Variants in SPTA1 observed in about 807,000 individuals in gnomAD.
SPTA1 encodes spectrin alpha, erythrocytic 1, also known as spectrin alpha chain, erythrocytic 1.
A neutral mutation model predicts 324.7 loss-of-function variants in SPTA1; 177 were observed. The ratio of observed to expected loss-of-function variants is 0.55; its 90% CI spans 0.48 to 0.62. The LOEUF is 0.62. Ranked by LOEUF, SPTA1 falls within the 20% of genes least tolerant of loss-of-function variation. SPTA1 has a pLI of 0.00. For synonymous variants in SPTA1, 1,195 were observed against 1,041.3 expected (o/e 1.15, Z -2.84); for missense variants, 3,162 against 2,883.6 (o/e 1.10, Z -2.21).
At position 158,611,370 on chromosome 1, in the gene SPTA1, A is replaced by G. The variant is rs1276901548; in HGVS notation, c.7154T>C (p.Val2385Ala). The G allele has an allele frequency of 1.9e-6, 3 of 1,613,570 alleles. No individual in the cohort carries two copies. Among genetic ancestry groups the G allele is most frequent in the Non-Finnish European group, 2.5e-6 (3 of 1,179,706 alleles). ...CTGCATATGTGTGGCACAGAATGAC[A>G]CTTGCTCTGGGGTAAGGGCCTGAAA... ...DMKQALTPEQ[V>A]SFCATHMQQY... The change falls in exon 52 of 52, where the codon GTG (valine) becomes GCG (alanine). Residue 2385 changes from valine (V) to alanine (A), a missense_variant. By Grantham distance (64) the Val-to-Ala change is moderately conservative (BLOSUM62 0). Coordinates refer to ENST00000643759, the MANE Select transcript of SPTA1 (RefSeq NM_003126.4).
chr1:158,620,106 C>G (rs1382413780), intron 44 of SPTA1, 64 bp downstream of exon 44: 1 of 1,585,652 alleles, frequency 6.3e-7, no homozygotes, highest in African/African-American at 1.3e-5. Flanking sequence ...AGTCTATTTA[C>G]TTGGATAATA....
intron 44 of SPTA1, among the ~76,000 whole-genome samples, chr1:158,619,714 G>A (rs1490948284): frequency 1.3e-5 from 2 of 152,044 alleles, no homozygotes; most frequent in Admixed American, 1.3e-4. Flanking sequence ...GTGATATTGT[G>A]GTTAGTTTTC....
At position 158,685,142 on chromosome 1, in the gene SPTA1, G is replaced by A. The variant is rs372828197; in HGVS notation, c.230C>T (p.Thr77Ile). ...AGTTGGGTCTTCATAGCTCTTATCG[G>A]TTAAGATATTGACTTTCTCCATGAT... ...KWIMEKVNIL[T>I]DKSYEDPTNI... The change falls in exon 2 of 52, where the codon ACC becomes ATC. Residue 77 changes from threonine to isoleucine, a missense_variant. Transcript: ENST00000643759. 4 of 1,613,538 alleles carry A rather than the reference G, an allele frequency of 2.5e-6. No individual in the cohort carries two copies. The African/African-American group carries it at 4.0e-5, about 16-fold the overall frequency.
chr1:158,613,916 C>CT, intron 49 of SPTA1, 49 bp from the exon 50 acceptor site: 1 of 1,587,058 alleles, frequency 6.3e-7, no homozygotes. Flanking sequence ...AATAGAAAAA[C>CT]CAAGTGAGAA....
At chr1:158,636,844 T>C (rs1651120613) in intron 36 of SPTA1, 83 bp from the exon 37 acceptor site, 2 of 1,604,666 alleles carry the variant, frequency 1.2e-6, no homozygotes, top group South Asian at 1.1e-5. Context: ...TGACTATGTG[T>C]GTGGCTGGTG....
In SPTA1 at chr1:158,638,227, G is replaced by T. The variant is rs761286351; in HGVS notation, c.4995C>A (p.Asp1665Glu). The stretch of plus-strand genomic sequence containing the variant: ...GCAAATCTTCAGCCAATGTATTCAG[G>T]TCCTTGAGTGCATCCTAGAAAGTCT... Reference protein sequence around the residue: ...EMLAREDALKDLNTLAEDLLS... With the variant: ...EMLAREDALKELNTLAEDLLS... The change falls in exon 36 of 52, where the codon GAC (aspartate) becomes GAA (glutamate). Residue 1665 changes from aspartate to glutamate, a missense_variant. Asp to Glu is a conservative substitution (Grantham distance 45). Coordinates refer to ENST00000643759, the MANE Select transcript of SPTA1 (RefSeq NM_003126.4). 20 of 1,612,378 alleles carry T rather than the reference G, an allele frequency of 1.2e-5. No individual in the cohort carries two copies. The highest frequency in any genetic ancestry group is 3.3e-5 in the Admixed American group (2 of 59,906).
In SPTA1 at chr1:158,683,514, G is replaced by T. The variant is rs746559526; in HGVS notation, c.265-18C>A. ...TATTTCCCCTAAAGTTTAGAAATCA[G>T]AGTTTTTGTCTAATGAAGCACAGTC... On this transcript the variant is annotated intron_variant, in intron 2 of 51. Coordinates refer to ENST00000643759, the MANE Select transcript of SPTA1 (RefSeq NM_003126.4). 3 of 1,612,474 alleles carry T rather than the reference G, an allele frequency of 1.9e-6. No individual in the cohort carries two copies. The highest frequency in any genetic ancestry group is 2.5e-6 in the Non-Finnish European group (3 of 1,179,104).
Position 158,669,567 on chromosome 1 carries a change from CA to C in SPTA1, c.1678-5del. Reference sequence around the variant, plus strand: ...GGGCATCCCGCCGGGCTAACAGCTGCAAAAACCATGAGTAAACTTACTGTCA... The same window carrying C: ...GGGCATCCCGCCGGGCTAACAGCTGCAAAACCATGAGTAAACTTACTGTCA... On this transcript the variant is annotated splice_region_variant and splice_polypyrimidine_tract_variant and intron_variant, in intron 13 of 51. Transcript: ENST00000643759. The C allele has an allele frequency of 6.2e-7, 1 of 1,614,104 alleles. No homozygotes were observed. The highest frequency in any genetic ancestry group is 8.5e-7 in the Non-Finnish European group (1 of 1,179,998).
intron 26 of SPTA1, 146 bp from the exon 27 acceptor site, chr1:158,647,866 A>G: frequency 1.2e-6 from 1 of 855,038 alleles, no homozygotes; most frequent in Admixed American, 2.6e-5. Context: ...AATAATATCA[A>G]CCTTTTAGTC....
At chr1:158,622,915 T>G (rs1342538960) in intron 43 of SPTA1, 68 bp downstream of exon 43, 2 of 1,367,856 alleles carry the variant, frequency 1.5e-6, no homozygotes, top group Non-Finnish European at 2.1e-6. Context: ...TTCCAATATC[T>G]GTTTCCGAAT....
At chr1:158,671,591 T>A in intron 11 of SPTA1, 138 bp from the exon 12 acceptor site, 1 of 722,808 alleles carries the variant, frequency 1.4e-6, no homozygotes, top group Non-Finnish European at 2.4e-6. Context: ...GGGTAGAAAT[T>A]AACTTTAAAC....
chr1:158,635,126 A>G (rs974058489), intron 38 of SPTA1, among the ~76,000 whole-genome samples: 5 of 152,076 alleles, frequency 3.3e-5, no homozygotes, highest in African/African-American at 1.2e-4. Flanking sequence ...ATATTTGGCT[A>G]TATGTGTGAT....
At position 158,618,047 on chromosome 1, in the gene SPTA1, AAAGT is replaced by A. The variant is rs1361091773; in HGVS notation, c.6536_6539del (p.Tyr2179PhefsTer30). On this transcript the variant is annotated frameshift_variant, in exon 46 of 52. Coordinates refer to ENST00000643759, the MANE Select transcript of SPTA1 (RefSeq NM_003126.4). LOFTEE classifies it high-confidence loss of function. ...TAACATAAAATACTGACCCATCCAG[AAAGT>A]AAGCCCTGGACATGGAGGTCCGGAA... 6.2e-7 allele frequency: 1 copy of A among 1,611,890 alleles called. No homozygotes were observed. Among genetic ancestry groups the A allele is most frequent in the South Asian group, 1.1e-5 (1 of 91,054 alleles).
chr1:158,638,051 T>C lies in SPTA1; in HGVS notation c.5171A>G (p.Asp1724Gly). Reference protein sequence around the residue: ...ALFQFFQDLDDEESWIEEKLI... With the variant: ...ALFQFFQDLDGEESWIEEKLI... ...CACATACTCTATCCAGGATTCCTCA[T>C]CATCTAGATCCTGGAAGAACTGGAA... is the stretch of plus-strand genomic sequence containing the variant. Residue 1724 changes from aspartate (D) to glycine (G), a missense_variant, in exon 36 of 52, where the codon GAT becomes GGT. Physicochemically the swap from Asp to Gly is moderately conservative, Grantham distance 94. Coordinates refer to ENST00000643759, the MANE Select transcript of SPTA1 (RefSeq NM_003126.4). 2 of 1,613,824 alleles carry C rather than the reference T, an allele frequency of 1.2e-6. No homozygotes were observed. Among genetic ancestry groups the C allele is most frequent in the Non-Finnish European group, 1.7e-6 (2 of 1,179,814 alleles).
rs775713091 is a variant in SPTA1 at position 158,666,462 on chromosome 1, A to T, written c.2074T>A (p.Phe692Ile). ...TGCAAATCTTCTGCATTATTTTCAA[A>T]TTGCAGCTGCTGGTTGGCCTCATGC... Reference protein sequence around the residue: ...QLHEANQQLQFENNAEDLQRW... With the variant: ...QLHEANQQLQIENNAEDLQRW... Residue 692 changes from phenylalanine to isoleucine, a missense_variant, in exon 16 of 52, where the codon TTT becomes ATT. Physicochemically the swap from Phe to Ile is conservative, Grantham distance 21 (BLOSUM62 0). Transcript: ENST00000643759. The T allele has an allele frequency of 5.6e-6, 9 of 1,611,874 alleles. No individual in the cohort carries two copies. The East Asian group carries it at 1.6e-4, about 28-fold the overall frequency.
Position 158,615,287 on chromosome 1 carries a change from A to G in SPTA1, c.6717T>C (p.Ala2239=), listed in dbSNP as rs1252280123. Residue 2239 remains alanine, a synonymous_variant, in exon 48 of 52, where the codon GCT becomes GCC. Coordinates refer to ENST00000643759, the MANE Select transcript of SPTA1 (RefSeq NM_003126.4). ...LDIKYSTIGL[A]QQWDQLYQLG... is the part of the protein sequence containing the mutation. Reference sequence around the variant, plus strand: ...GCTGGTAGAGCTGGTCCCACTGCTGAGCCAATCCAATGGTGCTGTATTTGA... The same window carrying G: ...GCTGGTAGAGCTGGTCCCACTGCTGGGCCAATCCAATGGTGCTGTATTTGA... 6.2e-7 allele frequency: 1 copy of G among 1,614,070 alleles called. No individual in the cohort carries two copies. Among genetic ancestry groups the G allele is most frequent in the Admixed American group, 1.7e-5 (1 of 60,022 alleles).
chr1:158,650,695 G>C (rs911610664), intron 24 of SPTA1, among the ~76,000 whole-genome samples: 3 of 152,184 alleles, frequency 2.0e-5, no homozygotes, highest in Non-Finnish European at 4.4e-5. Flanking sequence ...TTCTGTGTGT[G>C]ACAGTGAAAG....
chr1:158,627,755 T>C (rs2101783366), intron 39 of SPTA1, 32 bp from the exon 40 acceptor site: 1 of 1,595,642 alleles, frequency 6.3e-7, no homozygotes, highest in Non-Finnish European at 8.6e-7. Flanking sequence ...AATTAAGATA[T>C]CCAAAGCCGG....
Position 158,667,975 on chromosome 1 carries a change from G to A in SPTA1, c.1921C>T (p.Gln641Ter), listed in dbSNP as rs1653728836. The A allele has an allele frequency of 3.7e-6, 6 of 1,613,130 alleles. No homozygotes were observed. Among genetic ancestry groups the A allele is most frequent in the Non-Finnish European group, 5.1e-6 (6 of 1,179,862 alleles). ...AVNKTQLENI[Q>*]KTGQEMIEGG... ...TCAATCATCTCTTGGCCAGTTTTCT[G>A]TATGTTTTCCAGCTGGGTCTTATTA... is the stretch of plus-strand genomic sequence containing the variant. Residue 641 changes from glutamine to a stop codon, truncating the protein, a stop_gained, in exon 15 of 52, where the codon CAG (glutamine) becomes TAG (stop). Transcript: ENST00000643759. LOFTEE classifies it high-confidence loss of function.
Sources: gnomAD v4.1 joint callset for allele counts (sites outside exome capture counted in the v4.1 genomes callset) on GRCh38, gnomAD v4.1.1 for gene constraint, MANE v1.5 for transcripts, NCBI Gene and HGNC (gene_info 2026-07-23, HGNC 2026-07-21) for gene names.